Variants in MCF2L observed in about 807,000 individuals in gnomAD.
MCF2L encodes the protein MCF.2 cell line derived transforming sequence like.
In MCF2L, 97 loss-of-function variants were observed where a neutral mutation model predicts 153.4. The ratio of observed to expected loss-of-function variants is 0.63; its 90% CI spans 0.54 to 0.75. The LOEUF (loss-of-function observed/expected upper bound fraction) is 0.75, where lower values mean the gene tolerates loss of function less well. Among genes scored for constraint, MCF2L ranks in the 30% least tolerant of loss-of-function variants. The pLI is 0.00. For missense variants in MCF2L, 1,347 were observed against 1,495.2 expected (o/e 0.90, Z 1.64); for synonymous variants, 659 against 632.2 (o/e 1.04, Z -0.64).
At chr13:112,980,341 C>T (rs866493228) in intron 1 of MCF2L, among the ~76,000 whole-genome samples, 9 of 152,250 alleles carry the variant, frequency 5.9e-5, no homozygotes, top group African/African-American at 1.7e-4. Context: ...TGCTGATTTC[C>T]GCTCCATCCT....
At chr13:112,903,133 G>T (rs544768537) in intron 2 of MCF2L, among the ~76,000 whole-genome samples, 1 of 152,224 alleles carries the variant, frequency 6.6e-6, no homozygotes, top group African/African-American at 2.4e-5. Flanking sequence ...TTTGATGGCC[G>T]GGTGCTGGCC....
chr13:112,942,607 C>T (rs1254525458), intron 2 of MCF2L, among the ~76,000 whole-genome samples: 1 of 152,062 alleles, frequency 6.6e-6, no homozygotes, highest in Admixed American at 6.5e-5. Context: ...GGGCTGGACC[C>T]TACAGTCCAC....
chr13:113,077,873 C>G (rs1349817278), intron 13 of MCF2L, among the ~76,000 whole-genome samples: 1 of 152,240 alleles, frequency 6.6e-6, no homozygotes, highest in African/African-American at 2.4e-5. Flanking sequence ...AGCTGTCAAT[C>G]TCAGGGGCCC....
At position 113,082,326 on chromosome 13, in the gene MCF2L, A is replaced by G. The variant is rs1594973967; in HGVS notation, c.1876-101A>G. On this transcript the variant is annotated intron_variant, in intron 16 of 29. Transcript: ENST00000535094. ...AGAAATCACCCGAGAATAAAGATGAAGGGCTGGCCTGGCCCACAGATGAGC... is the reference window on the plus strand; with the variant it reads ...AGAAATCACCCGAGAATAAAGATGAGGGGCTGGCCTGGCCCACAGATGAGC... The G allele has an allele frequency of 2.0e-5, 14 of 707,264 alleles. No homozygotes were observed. The East Asian group carries it at 3.5e-4, about 18-fold the overall frequency. 43.8% of individuals were successfully genotyped at this position (707,264 alleles called of 1,614,324 possible). A position where few individuals can be genotyped will look rare whatever the true frequency, so the allele number is the denominator to read the frequency against.
At chr13:112,897,396 C>T (rs1322321897) in intron 1 of MCF2L, among the ~76,000 whole-genome samples, 1 of 152,158 alleles carries the variant, frequency 6.6e-6, no homozygotes, top group African/African-American at 2.4e-5. Flanking sequence ...CACAGGAAGC[C>T]CACTCCTCCT....
At chr13:113,076,215 C>T in intron 12 of MCF2L, 58 bp downstream of exon 12, 1 of 1,248,608 alleles carries the variant, frequency 8.0e-7, no homozygotes, top group Non-Finnish European at 1.1e-6. Context: ...TGAGGCATTC[C>T]TCTGTGGGAA....
Position 112,969,576 on chromosome 13 carries a change from A to G in MCF2L, c.79+118A>G. The G allele has an allele frequency of 1.3e-6, 2 of 1,495,712 alleles. No homozygotes were observed. The highest frequency in any genetic ancestry group is 1.8e-6 in the Non-Finnish European group (2 of 1,112,008). The allele number at this position is 1,495,712 out of a possible 1,614,324, so 92.7% of individuals were successfully genotyped here. On this transcript the variant is annotated intron_variant, in intron 1 of 29. Transcript: ENST00000535094. The surrounding 1 kb of genome is among the most constrained non-coding windows in gnomAD (Gnocchi z 4.8). ...CCTCGTGTTCCTTTCTAGCCGTGGT[A>G]GCTGTGACATGGGGGGCACTGGTTG...
intron 1 of MCF2L, among the ~76,000 whole-genome samples, chr13:112,974,389 A>G (rs537731286): frequency 1.3e-5 from 2 of 151,706 alleles, no homozygotes. Context: ...TGAGTCCATG[A>G]AGCCCCCGGC....
At chr13:112,972,941 C>T (rs2082101347) in intron 1 of MCF2L, among the ~76,000 whole-genome samples, 1 of 150,396 alleles carries the variant, frequency 6.6e-6, no homozygotes, top group Admixed American at 6.6e-5. Flanking sequence ...GGCTGAGGGA[C>T]ACAGCAGCAC....
In MCF2L at chr13:113,082,525, C is replaced by G; in HGVS notation, c.1974C>G (p.Ile658Met). The change falls in exon 17 of 30, where the codon ATC becomes ATG. Residue 658 changes from isoleucine to methionine, a missense_variant. Coordinates refer to ENST00000535094, the MANE Select transcript of MCF2L (RefSeq NM_001112732.3). ...TTTTGTTTGGAAACATGGAGGAAAT[C>G]TATCACTTCCACAACAGGTGGGCCC... ...KDVLFGNMEE[I>M]YHFHNRIFLR... The G allele has an allele frequency of 6.2e-7, 1 of 1,612,658 alleles. No homozygotes were observed.
At chr13:112,975,478 T>G (rs1186861065) in intron 1 of MCF2L, among the ~76,000 whole-genome samples, 1 of 152,086 alleles carries the variant, frequency 6.6e-6, no homozygotes, top group African/African-American at 2.4e-5. Context: ...CCTGCTAGGG[T>G]TGATGTGACA....
chr13:113,096,079 G>T, intron 27 of MCF2L: 2 of 529,366 alleles, frequency 3.8e-6, no homozygotes, highest in East Asian at 3.5e-5. Context: ...TCCGGGAGGC[G>T]GGTATGCAGG....
rs2480952 is a variant in MCF2L, at chr13:113,098,925, T to C, written c.*2066T>C. On this transcript the variant is annotated 3_prime_UTR_variant, in exon 30 of 30. Coordinates refer to ENST00000535094, the MANE Select transcript of MCF2L (RefSeq NM_001112732.3). ...AAAGCATGGTTAACAGGAAACAACA[T>C]GTAACGGAAGAGACAGCCCAGATGT... 0.23 allele frequency: 34,967 copies of C among 152,184 alleles called. 4,687 individuals are homozygous for C. Among genetic ancestry groups the C allele is most frequent in the African/African-American group, 0.37 (15,514 of 41,438 alleles). The allele number at this position is 152,184 out of a possible 1,614,324, so 9.4% of individuals were successfully genotyped here.
chr13:113,014,874 G>A (rs765876414), intron 2 of MCF2L, 28 bp downstream of exon 2: 2 of 1,606,790 alleles, frequency 1.2e-6, no homozygotes, highest in South Asian at 2.2e-5. Context: ...GGATGGGGTG[G>A]AGAGGGAGGG....
chr13:112,987,829 A>G (rs3011536), intron 1 of MCF2L, among the ~76,000 whole-genome samples: 143,013 of 152,328 alleles, frequency 0.94, 67,349 homozygotes, highest in Non-Finnish European at 0.98. Flanking sequence ...GCGGACAGTG[A>G]TGGGATTGTC....
At position 112,983,575 on chromosome 13, in the gene MCF2L, C is replaced by T. The variant is rs1594476703; in HGVS notation, c.79+14117C>T. Among the ~76,000 whole-genome samples, 1 of 152,232 alleles carries T rather than the reference C, an allele frequency of 6.6e-6. No homozygotes were observed. The highest frequency in any genetic ancestry group is 2.4e-5 in the African/African-American group (1 of 41,474). On this transcript the variant is annotated intron_variant, in intron 1 of 29. Coordinates refer to ENST00000535094, the MANE Select transcript of MCF2L (RefSeq NM_001112732.3). The surrounding 1 kb of genome is among the most constrained non-coding windows in gnomAD (Gnocchi z 4.0). ...GTGCTGGGCACGGCAGAGCCGTAGG[C>T]GGAGACAGGGAGCCGGGAGGAGCGT...
At chr13:112,894,733 G>A (rs1253513308) in intron 1 of MCF2L, among the ~76,000 whole-genome samples, 1 of 152,126 alleles carries the variant, frequency 6.6e-6, no homozygotes, top group African/African-American at 2.4e-5. Flanking sequence ...ATTGTCACGG[G>A]GGCCCTCACA....
chr13:112,963,489 A>G (rs1480223082), intron 2 of MCF2L, among the ~76,000 whole-genome samples: 3 of 152,094 alleles, frequency 2.0e-5, no homozygotes, highest in African/African-American at 7.2e-5. Flanking sequence ...CACCAGGTGG[A>G]ACCTCAGGTC....
At chr13:113,044,764 C>T in intron 3 of MCF2L, 1 of 1,612,958 alleles carries the variant, frequency 6.2e-7, no homozygotes, top group Middle Eastern at 1.6e-4. Flanking sequence ...TCTCCCGTTT[C>T]CAGCAGATGC....
Sources: gnomAD v4.1 joint callset for allele counts (sites outside exome capture counted in the v4.1 genomes callset) on GRCh38, gnomAD v4.1.1 for gene constraint, Gnocchi (gnomAD v3.1) non-coding constraint, MANE v1.5 for transcripts, NCBI Gene and HGNC (gene_info 2026-07-23, HGNC 2026-07-21) for gene names.